The following NNT variants were observed in gnomAD, a reference collection of about 807,000 sequenced individuals.
The protein encoded by NNT is nicotinamide nucleotide transhydrogenase.
Under a neutral mutation model 104.8 loss-of-function variants are expected in NNT, and 50 were observed. That is an observed-to-expected ratio of 0.48 (90% CI 0.38 to 0.60). NNT has a LOEUF of 0.60. NNT is among the 20% of genes least tolerant of loss of function. The pLI, the probability that NNT is intolerant of heterozygous loss-of-function variation, is 0.00. For missense variants in NNT, 1,131 were observed against 1,330.7 expected (o/e 0.85, Z 2.33); for synonymous variants, 461 against 490.4 (o/e 0.94, Z 0.79).
intron 11 of NNT, among the ~76,000 whole-genome samples, chr5:43,649,592 T>TTA (rs1387658687): frequency 1.3e-5 from 2 of 151,482 alleles, no homozygotes; most frequent in Admixed American, 1.3e-4. Flanking sequence ...TTTTTTTTTT[T>TTA]AAAGAAAAGG....
At chr5:43,676,135 T>G (rs777928549) in intron 18 of NNT, among the ~76,000 whole-genome samples, 52 of 152,340 alleles carry the variant, frequency 3.4e-4, no homozygotes, top group Middle Eastern at 3.4e-3. Flanking sequence ...TAGAAAGAGC[T>G]TGGTATGGAG....
rs559614986 is a variant in NNT, at chr5:43,672,209, G to T, written c.2635-3302G>T. Among the ~76,000 whole-genome samples the T allele has an allele frequency of 3.5e-4, 53 of 152,174 alleles. 1 individual carries two copies. Among genetic ancestry groups the T allele is most frequent in the African/African-American group, 1.2e-3 (51 of 41,490 alleles). ...TCTTAATATTTTTTCAAGGTTTTTA[G>T]CTTTTTGTGATGGGTTCAAACTTCC... On this transcript the variant is annotated intron_variant, in intron 17 of 21. Coordinates refer to ENST00000344920, the MANE Select transcript of NNT (RefSeq NM_182977.3).
At chr5:43,673,546 A>T (rs1444835255) in intron 17 of NNT, among the ~76,000 whole-genome samples, 3 of 152,222 alleles carry the variant, frequency 2.0e-5, no homozygotes, top group Non-Finnish European at 4.4e-5. Flanking sequence ...TATTTTGATA[A>T]CAATTTCAGA....
chr5:43,675,883 T>TA (rs1561314553), intron 18 of NNT, among the ~76,000 whole-genome samples: 1 of 152,208 alleles, frequency 6.6e-6, no homozygotes, highest in Admixed American at 6.5e-5. Flanking sequence ...TATAAATTCT[T>TA]ACAGTGGGTT....
chr5:43,624,763 T>C (rs1750277348), intron 6 of NNT, among the ~76,000 whole-genome samples: 1 of 152,330 alleles, frequency 6.6e-6, no homozygotes, highest in African/African-American at 2.4e-5. Context: ...CACTAGACAC[T>C]GGATTTTATT....
intron 7 of NNT, among the ~76,000 whole-genome samples, chr5:43,635,421 T>C (rs35768478): frequency 0.034 from 5,131 of 152,212 alleles, 133 homozygotes; most frequent in East Asian, 0.12. Flanking sequence ...GTACACATCA[T>C]TCTTGCTTTG....
chr5:43,619,345 T>C (rs944139908), intron 5 of NNT, among the ~76,000 whole-genome samples: 3 of 152,180 alleles, frequency 2.0e-5, no homozygotes, highest in Non-Finnish European at 4.4e-5. Context: ...TTTTTGACTT[T>C]ACTAATTTGA....
chr5:43,645,121 A>G (rs956733396), intron 9 of NNT, among the ~76,000 whole-genome samples: 3 of 152,202 alleles, frequency 2.0e-5, no homozygotes, highest in African/African-American at 7.2e-5. Flanking sequence ...TCTTGCTTAT[A>G]TGGTCCTGTA....
intron 16 of NNT, 61 bp downstream of exon 16, chr5:43,656,874 T>C: frequency 6.8e-7 from 1 of 1,480,498 alleles, no homozygotes; most frequent in Non-Finnish European, 9.1e-7. Context: ...TTTTGTTAGA[T>C]TAAAGTGTAA....
At chr5:43,645,673 CTCTCTCTCTCTATATATA>C (rs1408975644) in intron 10 of NNT, 163 bp downstream of exon 10, 1 of 89,456 alleles carries the variant, frequency 1.1e-5, no homozygotes, top group African/African-American at 4.6e-5. Flanking sequence ...CTCTCTCTCT[CTCTCTCTCTCTATATATA>C]TATATATATA....
chr5:43,608,183 C>T (rs1749325356), intron 1 of NNT, among the ~76,000 whole-genome samples: 1 of 152,144 alleles, frequency 6.6e-6, no homozygotes, highest in African/African-American at 2.4e-5. Context: ...CTCACCTTGG[C>T]CTCCCAAAGT....
At chr5:43,640,640 A>G (rs1219504638) in intron 7 of NNT, among the ~76,000 whole-genome samples, 2 of 151,820 alleles carry the variant, frequency 1.3e-5, no homozygotes, top group Non-Finnish European at 2.9e-5. Context: ...ATCTCTCCAC[A>G]TCATACTAAG....
chr5:43,615,380 A>G (rs1749734751), intron 3 of NNT, among the ~76,000 whole-genome samples: 3 of 152,242 alleles, frequency 2.0e-5, no homozygotes, highest in South Asian at 4.1e-4. Context: ...GTTTTAGTTT[A>G]TGATGTTCTT....
chr5:43,608,026 G>T (rs192866642), intron 1 of NNT, among the ~76,000 whole-genome samples: 285 of 152,096 alleles, frequency 1.9e-3, no homozygotes, highest in Middle Eastern at 6.8e-3. Context: ...CACCTCCCAG[G>T]TTCAACCAAT....
intron 15 of NNT, among the ~76,000 whole-genome samples, 167 bp from the exon 16 acceptor site, chr5:43,656,486 A>G (rs986822285): frequency 6.6e-6 from 1 of 152,182 alleles, no homozygotes; most frequent in African/African-American, 2.4e-5. Context: ...AAATTAGTGA[A>G]CAGAAATTTG....
chr5:43,631,969 G>GAAA (rs34558570), intron 7 of NNT, among the ~76,000 whole-genome samples: 4,186 of 102,738 alleles, frequency 0.041, 96 homozygotes, highest in East Asian at 0.14. Context: ...TTTCTTTTGG[G>GAAA]AAAAAAAAAA....
intron 5 of NNT, 130 bp from the exon 6 acceptor site, chr5:43,623,902 C>A: frequency 1.2e-6 from 1 of 823,874 alleles, no homozygotes; most frequent in Non-Finnish European, 2.1e-6. Flanking sequence ...AAGGGCTGAT[C>A]ATCATTATCA....
chr5:43,656,311 A>C (rs554701700), intron 15 of NNT, among the ~76,000 whole-genome samples: 1 of 152,146 alleles, frequency 6.6e-6, no homozygotes, highest in Non-Finnish European at 1.5e-5. Context: ...TACTAATAAA[A>C]AAGATTAAAA....
intron 16 of NNT, among the ~76,000 whole-genome samples, chr5:43,657,993 G>A (rs1740145849): frequency 2.6e-5 from 4 of 152,026 alleles, no homozygotes; most frequent in Admixed American, 2.6e-4. Context: ...AAATAAGCCG[G>A]GTGTGGTAGT....
Sources: allele counts gnomAD v4.1 joint callset (sites outside exome capture counted in the v4.1 genomes callset), GRCh38; gene constraint gnomAD v4.1.1; transcripts MANE v1.5; gene names NCBI Gene and HGNC (gene_info 2026-07-23, HGNC 2026-07-21).